The following VPS13B variants were observed in gnomAD, a reference collection of about 807,000 sequenced individuals.
VPS13B encodes intermembrane lipid transfer protein VPS13B.
Under a neutral mutation model 426.4 loss-of-function variants are expected in VPS13B, and 285 were observed. The observed-to-expected ratio is 0.67, with a 90% confidence interval of 0.61 to 0.74. The LOEUF (loss-of-function observed/expected upper bound fraction) is 0.74. Among genes scored for constraint, VPS13B ranks in the 30% least tolerant of loss-of-function variants. VPS13B has a pLI of 0.00. For missense variants in VPS13B, 4,537 were observed against 4,782.6 expected (o/e 0.95, Z 1.51); for synonymous variants, 1,676 against 1,676.4 (o/e 1.00, Z 0.01).
intron 19 of VPS13B, among the ~76,000 whole-genome samples, chr8:99,367,090 C>T (rs1812932090): frequency 6.6e-6 from 1 of 152,110 alleles, no homozygotes; most frequent in Admixed American, 6.5e-5. Flanking sequence ...TTACTATTAC[C>T]AGAGAGTTTT....
chr8:99,018,552 C>G (rs369946191), intron 2 of VPS13B, among the ~76,000 whole-genome samples: 1 of 152,178 alleles, frequency 6.6e-6, no homozygotes, highest in Non-Finnish European at 1.5e-5. Flanking sequence ...CAAATAATGA[C>G]AGTTTTACAT....
intron 32 of VPS13B, 58 bp downstream of exon 32, chr8:99,575,842 A>G (rs1291502656): frequency 1.9e-6 from 3 of 1,559,576 alleles, no homozygotes; most frequent in African/African-American, 2.7e-5. Context: ...TCCTCTTTGT[A>G]TGTTAGGGAT....
chr8:99,771,006 A>G (rs954983722), intron 40 of VPS13B, among the ~76,000 whole-genome samples: 2 of 152,224 alleles, frequency 1.3e-5, no homozygotes, highest in African/African-American at 4.8e-5. Context: ...GAAATCAATC[A>G]GGTGTCTTCT....
intron 21 of VPS13B, among the ~76,000 whole-genome samples, chr8:99,410,634 T>C (rs1242709938): frequency 6.6e-6 from 1 of 151,988 alleles, no homozygotes; most frequent in African/African-American, 2.4e-5. Context: ...TACATAGGTA[T>C]ACACGTGCCA....
intron 31 of VPS13B, among the ~76,000 whole-genome samples, chr8:99,562,303 C>T (rs1414737775): frequency 3.5e-5 from 5 of 141,760 alleles, no homozygotes. Context: ...TTTTTTGAGA[C>T]AGAGTCTTGC....
intron 14 of VPS13B, among the ~76,000 whole-genome samples, chr8:99,153,675 C>T (rs1811196434): frequency 6.6e-6 from 1 of 152,102 alleles, no homozygotes; most frequent in Admixed American, 6.6e-5. Context: ...CACACACAAT[C>T]ATACGTAATT....
chr8:99,605,844 G>T (rs894799566), intron 33 of VPS13B, among the ~76,000 whole-genome samples: 1 of 152,104 alleles, frequency 6.6e-6, no homozygotes, highest in African/African-American at 2.4e-5. Context: ...GTCATAAAAT[G>T]GCCTGTGCAA....
rs373240775 is a variant in VPS13B, at chr8:99,720,923, C to T, written c.6926C>T (p.Pro2309Leu). 1.9e-6 allele frequency: 3 copies of T among 1,613,902 alleles called. No homozygotes were observed. Among genetic ancestry groups the T allele is most frequent in the Non-Finnish European group, 2.5e-6 (3 of 1,179,926 alleles). ...VLFYNETEDC[P>L]GMMLWRYPEP... ...TTTTATAATGAAACTGAAGATTGCC[C>T]AGGGATGATGTTATGGAGATATCCA... The change falls in exon 39 of 62, where the codon CCA becomes CTA. Residue 2309 changes from proline to leucine, a missense_variant. This residue lies in a region of VPS13B where 4,311 missense variants were observed against 4,474.3 expected (regional missense o/e 0.96). Transcript: ENST00000357162.
chr8:99,502,995 G>A (rs1022617120), intron 27 of VPS13B, 45 bp downstream of exon 27: 2 of 1,423,124 alleles, frequency 1.4e-6, no homozygotes, highest in Middle Eastern at 2.0e-4. Context: ...ATTTTTCTTT[G>A]AACAAAGTTA....
chr8:99,507,984 T>G, intron 28 of VPS13B: 2 of 1,597,966 alleles, frequency 1.3e-6, no homozygotes, highest in African/African-American at 1.3e-5. Flanking sequence ...GAATGATTCA[T>G]AGAGTCAACT....
At chr8:99,859,601 T>A (rs1254203067) in intron 57 of VPS13B, 121 bp downstream of exon 57, 1 of 1,320,922 alleles carries the variant, frequency 7.6e-7, no homozygotes, top group Non-Finnish European at 1.0e-6. Flanking sequence ...GCCTTTTAGC[T>A]TGCAGTGAGA....
chr8:99,143,231 T>C, intron 13 of VPS13B, 66 bp downstream of exon 13: 1 of 1,600,118 alleles, frequency 6.2e-7, no homozygotes, highest in Non-Finnish European at 8.6e-7. Flanking sequence ...TAATCCAATT[T>C]GTGTTGTCTT....
At chr8:99,081,305 C>G (rs1320445065) in intron 3 of VPS13B, among the ~76,000 whole-genome samples, 2 of 152,120 alleles carry the variant, frequency 1.3e-5, no homozygotes, top group African/African-American at 4.8e-5. Context: ...AAATTTTTCT[C>G]TTTTTTATGT....
intron 3 of VPS13B, among the ~76,000 whole-genome samples, chr8:99,070,227 T>C (rs892047238): frequency 5.3e-5 from 8 of 152,206 alleles, no homozygotes; most frequent in Admixed American, 2.0e-4. Context: ...TGAAATTTTT[T>C]TTAGTTCTTC....
chr8:99,183,264 C>T lies in VPS13B; in HGVS notation c.2334-9612C>T, dbSNP rs187319174. Reference sequence around the variant, plus strand: ...GACACTAGGTTGAGACATTATGCCCCGCTGCTGCTCTATTGACGGTATATT... The same window carrying T: ...GACACTAGGTTGAGACATTATGCCCTGCTGCTGCTCTATTGACGGTATATT... On this transcript the variant is annotated intron_variant, in intron 16 of 61. Transcript: ENST00000357162. Among the ~76,000 whole-genome samples the T allele has an allele frequency of 7.7e-3, 1,179 of 152,218 alleles. 11 individuals are homozygous for T. The highest frequency in any genetic ancestry group is 0.011 in the Non-Finnish European group (777 of 68,006).
chr8:99,114,821 A>G (rs1847568707), intron 6 of VPS13B, among the ~76,000 whole-genome samples: 2 of 152,208 alleles, frequency 1.3e-5, no homozygotes, highest in African/African-American at 4.8e-5. Context: ...TAGACACTGA[A>G]ATACATTAGT....
At chr8:99,569,245 T>C (rs1825349602) in intron 31 of VPS13B, among the ~76,000 whole-genome samples, 3 of 151,810 alleles carry the variant, frequency 2.0e-5, no homozygotes, top group African/African-American at 7.3e-5. Context: ...CTGGGCAGCA[T>C]GGCGAAACCC....
At chr8:99,227,327 A>T (rs1022809687) in intron 17 of VPS13B, among the ~76,000 whole-genome samples, 7 of 152,198 alleles carry the variant, frequency 4.6e-5, no homozygotes, top group Non-Finnish European at 5.9e-5. Context: ...TCTGAAAAGT[A>T]ACGTACATAA....
intron 39 of VPS13B, among the ~76,000 whole-genome samples, chr8:99,728,856 G>A (rs1427766959): frequency 6.6e-6 from 1 of 152,184 alleles, no homozygotes; most frequent in Non-Finnish European, 1.5e-5. Flanking sequence ...CAGGGCCTCT[G>A]GAAGAACTGG....
Sources: allele counts gnomAD v4.1 joint callset (sites outside exome capture counted in the v4.1 genomes callset), GRCh38; gene constraint gnomAD v4.1.1; regional missense constraint gnomAD v4.1.1; transcripts MANE v1.5; gene names NCBI Gene and HGNC (gene_info 2026-07-23, HGNC 2026-07-21).